The following ZPR1 variants were observed in gnomAD, a reference collection of about 807,000 sequenced individuals.
ZPR1 encodes the protein ZPR1 zinc finger, also known as zinc finger protein ZPR1.
ZPR1 carries 37 observed loss-of-function variants against 59.6 expected under a neutral mutation model. The ratio of observed to expected loss-of-function variants is 0.62; its 90% CI spans 0.48 to 0.82. ZPR1 has a LOEUF of 0.82. Among genes scored for constraint, ZPR1 ranks in the 40% least tolerant of loss-of-function variants. ZPR1 has a pLI of 0.00. For synonymous variants in ZPR1, 191 were observed against 215.2 expected (o/e 0.89, Z 0.99); for missense variants, 527 against 579.9 (o/e 0.91, Z 0.94).
intron 12 of ZPR1, 57 bp downstream of exon 12, chr11:116,782,101 C>G: frequency 2.3e-6 from 3 of 1,323,010 alleles, no homozygotes; most frequent in Non-Finnish European, 3.2e-6. Context: ...GAGCATGCAG[C>G]CTCCTGTTCA....
In ZPR1 at chr11:116,787,979, G is replaced by A; in HGVS notation, c.12C>T (p.Ser4=). 1 of 1,428,692 alleles carries A rather than the reference G, an allele frequency of 7.0e-7. No homozygotes were observed. Among genetic ancestry groups the A allele is most frequent in the Non-Finnish European group, 9.1e-7 (1 of 1,103,796 alleles). 88.5% of individuals were successfully genotyped at this position (1,428,692 alleles called of 1,614,324 possible). Residue 4 remains serine (S), a synonymous_variant, in exon 1 of 14, where the codon AGC becomes AGT. Coordinates refer to ENST00000227322, the MANE Select transcript of ZPR1 (RefSeq NM_003904.5). Reference sequence around the variant, plus strand: ...CCGGGGGCCCTGGTTCCACAGCCCCGCTGGCCGCCATGGCCACCACGCGCA... The same window carrying A: ...CCGGGGGCCCTGGTTCCACAGCCCCACTGGCCGCCATGGCCACCACGCGCA... MAA[S]GAVEPGPPGA...
intron 3 of ZPR1, 112 bp from the exon 4 acceptor site, chr11:116,786,693 G>T: frequency 1.1e-6 from 1 of 946,618 alleles, no homozygotes; most frequent in Non-Finnish European, 1.7e-6. Flanking sequence ...TTCCTCATCT[G>T]TAAAATGAGA....
intron 4 of ZPR1, 142 bp downstream of exon 4, chr11:116,786,369 T>A: frequency 1.2e-6 from 1 of 800,274 alleles, no homozygotes; most frequent in Non-Finnish European, 2.0e-6. Context: ...TTATAACATA[T>A]GCAACATTCT....
chr11:116,782,748 CA>C (rs1940827261), intron 11 of ZPR1, among the ~76,000 whole-genome samples, 170 bp downstream of exon 11: 1 of 152,308 alleles, frequency 6.6e-6, no homozygotes, highest in Admixed American at 6.5e-5. Flanking sequence ...CAACATTTCC[CA>C]TAAACTTGTC....
At chr11:116,779,897 A>C in intron 12 of ZPR1, 60 bp from the exon 13 acceptor site, 72 of 328,564 alleles carry the variant, frequency 2.2e-4, no homozygotes, top group East Asian at 6.1e-4. Context: ...AAAAGAGGCT[A>C]TGTCGGGGGA....
At position 116,775,662 on chromosome 11, in the gene ZPR1, A is replaced by G. The variant is rs934500922; in HGVS notation, c.*3263T>C. On this transcript the variant is annotated 3_prime_UTR_variant, in exon 14 of 14. Transcript: ENST00000227322. ...AAAAAAAAAAAAAAAAAAAAAAAAA[A>G]GCTCTGCTTCCTTCTGGAAGTAACC... The G allele has an allele frequency of 7.1e-6, 1 of 140,074 alleles. No individual in the cohort carries two copies. The allele number at this position is 140,074 out of a possible 1,614,324, so 8.7% of individuals were successfully genotyped here. A position where few individuals can be genotyped will look rare whatever the true frequency, so the allele number is the denominator to read the frequency against.
At position 116,778,705 on chromosome 11, in the gene ZPR1, T is replaced by A. The variant is rs1364142053; in HGVS notation, c.*220A>T. The A allele has an allele frequency of 5.2e-6, 3 of 577,988 alleles. No homozygotes were observed. The highest frequency in any genetic ancestry group is 2.7e-5 in the South Asian group (1 of 36,978). 35.8% of individuals were successfully genotyped at this position (577,988 alleles called of 1,614,324 possible). The stretch of plus-strand genomic sequence containing the variant: ...ATTTCTGGGTTTCCTCCTAGGCCAA[T>A]TCAAAACTTCCAAAATAAGGTCAAG... On this transcript the variant is annotated 3_prime_UTR_variant, in exon 14 of 14. Coordinates refer to ENST00000227322, the MANE Select transcript of ZPR1 (RefSeq NM_003904.5).
At chr11:116,782,331 G>T in intron 11 of ZPR1, 87 bp from the exon 12 acceptor site, 1 of 1,199,514 alleles carries the variant, frequency 8.3e-7, no homozygotes, top group Non-Finnish European at 1.2e-6. Context: ...GTGACAGTGG[G>T]TGCCCTGTCA....
intron 4 of ZPR1, 139 bp from the exon 5 acceptor site, chr11:116,786,021 T>G: frequency 1.3e-6 from 1 of 759,556 alleles, no homozygotes; most frequent in East Asian, 2.7e-5. Context: ...GGCTTCACAA[T>G]GAGATGTAGC....
Position 116,776,503 on chromosome 11 carries a change from CTT to C in ZPR1, c.*2420_*2421del, listed in dbSNP as rs1288424970. On this transcript the variant is annotated 3_prime_UTR_variant, in exon 14 of 14. Coordinates refer to ENST00000227322, the MANE Select transcript of ZPR1 (RefSeq NM_003904.5). Reference sequence around the variant, plus strand: ...ATATGTAAGCTCCCATCCTGACACACTTTATGAAATGAGAAAGGAGCTGAAAG... The same window carrying C: ...ATATGTAAGCTCCCATCCTGACACACTATGAAATGAGAAAGGAGCTGAAAG... 6.6e-6 allele frequency: 1 copy of C among 152,198 alleles called. No homozygotes were observed. The highest frequency in any genetic ancestry group is 1.5e-5 in the Non-Finnish European group (1 of 68,052). 9.4% of individuals were successfully genotyped at this position (152,198 alleles called of 1,614,324 possible). A position where few individuals can be genotyped will look rare whatever the true frequency, so the allele number is the denominator to read the frequency against.
intron 9 of ZPR1, 48 bp downstream of exon 9, chr11:116,784,330 G>C: frequency 6.3e-7 from 1 of 1,586,046 alleles, no homozygotes; most frequent in Non-Finnish European, 8.7e-7. Context: ...AGTTAAAAGG[G>C]GGTTACCCTT....
chr11:116,786,697 A>G, intron 3 of ZPR1, 116 bp from the exon 4 acceptor site: 1 of 888,048 alleles, frequency 1.1e-6, no homozygotes, highest in Non-Finnish European at 1.8e-6. Context: ...TCATCTGTAA[A>G]ATGAGAAGGC....
At chr11:116,782,012 C>CAAAAA in intron 12 of ZPR1, 146 bp downstream of exon 12, 2 of 502,286 alleles carry the variant, frequency 4.0e-6, no homozygotes, top group Non-Finnish European at 3.3e-6. Context: ...ACTCTGTCTC[C>CAAAAA]AAAAAAAAAA....
At chr11:116,783,490 C>T (rs1415497919) in intron 10 of ZPR1, 40 bp downstream of exon 10, 1 of 1,538,194 alleles carries the variant, frequency 6.5e-7, no homozygotes, top group South Asian at 1.1e-5. Context: ...GTTTATCTAA[C>T]TTATGAGGAC....
chr11:116,785,638 T>G lies in ZPR1; in HGVS notation c.583-2A>C. ...GTTCCCTGAGGGATCATCAATGATC[T>G]AACAAATGGGAGAAGAGAGAGTCAC... On this transcript the variant is annotated splice_acceptor_variant, in intron 5 of 13. Transcript: ENST00000227322. LOFTEE classifies it high-confidence loss of function. 1 of 1,614,062 alleles carries G rather than the reference T, an allele frequency of 6.2e-7. No homozygotes were observed. Among genetic ancestry groups the G allele is most frequent in the Non-Finnish European group, 8.5e-7 (1 of 1,180,036 alleles).
chr11:116,779,718 C>A, intron 13 of ZPR1, 54 bp downstream of exon 13: 1 of 1,333,090 alleles, frequency 7.5e-7, no homozygotes. Context: ...GATACATATT[C>A]AAGGAAGATC....
intron 12 of ZPR1, among the ~76,000 whole-genome samples, chr11:116,780,779 T>C (rs901976381): frequency 6.6e-6 from 1 of 152,162 alleles, no homozygotes; most frequent in Non-Finnish European, 1.5e-5. Context: ...CTCAGGTCTT[T>C]AGCCCGCTAC....
At chr11:116,780,045 AAT>A (rs1241830068) in intron 12 of ZPR1, among the ~76,000 whole-genome samples, 1 of 151,296 alleles carries the variant, frequency 6.6e-6, no homozygotes. Context: ...AAGTATAATA[AAT>A]ATATATATAA....
intron 6 of ZPR1, 150 bp downstream of exon 6, chr11:116,785,364 C>A: frequency 1.6e-6 from 2 of 1,256,594 alleles, no homozygotes; most frequent in South Asian, 2.9e-5. Context: ...GAAGTTTACC[C>A]AAGTCCTGGA....
Sources: gnomAD v4.1 joint callset for allele counts (sites outside exome capture counted in the v4.1 genomes callset) on GRCh38, gnomAD v4.1.1 for gene constraint, MANE v1.5 for transcripts, NCBI Gene and HGNC (gene_info 2026-07-23, HGNC 2026-07-21) for gene names.